Variants in DDX23 observed in about 807,000 individuals in gnomAD.
DDX23 encodes the protein DEAD-box helicase 23.
Under a neutral mutation model 102.7 loss-of-function variants are expected in DDX23, and 33 were observed. The observed-to-expected ratio is 0.32, with a 90% confidence interval of 0.24 to 0.43. The LOEUF is 0.43. DDX23 is among the 20% of genes least tolerant of loss of function. The probability of loss-of-function intolerance (pLI) is 1.00; values close to 1 mark genes in which losing one functional copy is unlikely to be tolerated. For synonymous variants in DDX23, 352 were observed against 376.0 expected (o/e 0.94, Z 0.74); for missense variants, 549 against 1,086.6 (o/e 0.51, Z 6.96).
Position 48,845,154 on chromosome 12 carries a change from TA to T in DDX23, c.209+419del, listed in dbSNP as rs60186795. On this transcript the variant is annotated intron_variant, in intron 2 of 16. Coordinates refer to ENST00000308025, the MANE Select transcript of DDX23 (RefSeq NM_004818.3). ...GAAACAAGAGTGAAACTCCATCTTTTAAAAAAAAAAAAAAAAAGGCCAGGCG... is the reference window on the plus strand; with the variant it reads ...GAAACAAGAGTGAAACTCCATCTTTTAAAAAAAAAAAAAAAAGGCCAGGCG... Among the ~76,000 whole-genome samples, 740 of 131,068 alleles carry T rather than the reference TA, an allele frequency of 5.6e-3. 6 individuals are homozygous for T. The highest frequency in any genetic ancestry group is 0.033 in the East Asian group (143 of 4,316). The allele number at this position is 131,068 out of a possible 152,430, so 86.0% of individuals were successfully genotyped here. A position where few individuals can be genotyped will look rare whatever the true frequency, so the allele number is the denominator to read the frequency against.
intron 3 of DDX23, among the ~76,000 whole-genome samples, chr12:48,841,215 G>A (rs1220923110): frequency 1.3e-5 from 2 of 152,072 alleles, no homozygotes; most frequent in African/African-American, 2.4e-5. Context: ...GAGAAACCCT[G>A]TCTCTACTAA....
Position 48,843,921 on chromosome 12 carries a change from CT to C in DDX23, c.320+18del. ...AATGGGAGCATTCCCCTAAAGCCCC[CT>C]CTCATTCCTTCATGTACCTGGATCG... On this transcript the variant is annotated intron_variant, in intron 3 of 16. Transcript: ENST00000308025. 1.2e-6 allele frequency: 2 copies of C among 1,612,264 alleles called. No individual in the cohort carries two copies. The highest frequency in any genetic ancestry group is 8.5e-7 in the Non-Finnish European group (1 of 1,178,462).
At position 48,832,310 on chromosome 12, in the gene DDX23, A is replaced by G. The variant is rs1938401940; in HGVS notation, c.1955+112T>C. 2.6e-6 allele frequency: 4 copies of G among 1,553,278 alleles called. No homozygotes were observed. The highest frequency in any genetic ancestry group is 1.2e-5 in the South Asian group (1 of 85,050). On this transcript the variant is annotated intron_variant, in intron 14 of 16. Transcript: ENST00000308025. This position sits in a 1 kb window ranked among gnomAD's most constrained non-coding sequence, Gnocchi z 4.4. Reference sequence around the variant, plus strand: ...CCCATGACATTCTGCCCAAGAAAACAGCAGCTCTTCAACACAGCAGAGCAA... The same window carrying G: ...CCCATGACATTCTGCCCAAGAAAACGGCAGCTCTTCAACACAGCAGAGCAA...
Position 48,844,894 on chromosome 12 carries a change from C to T in DDX23, c.209+680G>A, listed in dbSNP as rs190450743. Among the ~76,000 whole-genome samples, 1,253 of 147,802 alleles carry T rather than the reference C, an allele frequency of 8.5e-3. 8 individuals are homozygous for T. Among genetic ancestry groups the T allele is most frequent in the Non-Finnish European group, 0.013 (857 of 66,572 alleles). ...CTAGCCGGGCGTGGTGGCTCACGCC[C>T]GTAATCCCAGCACTTTGGGAAGCTG... On this transcript the variant is annotated intron_variant, in intron 2 of 16. Coordinates refer to ENST00000308025, the MANE Select transcript of DDX23 (RefSeq NM_004818.3).
At position 48,842,136 on chromosome 12, in the gene DDX23, C is replaced by A. The variant is rs555442664; in HGVS notation, c.320+1804G>T. Among the ~76,000 whole-genome samples the A allele has an allele frequency of 6.9e-4, 104 of 151,442 alleles. 1 individual carries two copies. The highest frequency in any genetic ancestry group is 2.5e-3 in the African/African-American group (102 of 41,332). On this transcript the variant is annotated intron_variant, in intron 3 of 16. Coordinates refer to ENST00000308025, the MANE Select transcript of DDX23 (RefSeq NM_004818.3). ...GCCACCCCGTCTGGGAAGTGAGGAG[C>A]GTCTCCGCCCGGCAGCCACCCCGTC... is the stretch of plus-strand genomic sequence containing the variant.
At chr12:48,840,197 C>T (rs934975580) in intron 3 of DDX23, 91 bp from the exon 4 acceptor site, 1 of 1,014,386 alleles carries the variant, frequency 9.9e-7, no homozygotes. Context: ...TGGAAGTTTC[C>T]CCATGACTCA....
chr12:48,840,797 T>G (rs1938537692), intron 3 of DDX23, among the ~76,000 whole-genome samples: 1 of 150,344 alleles, frequency 6.7e-6, no homozygotes, highest in African/African-American at 2.5e-5. Flanking sequence ...AGGTGATACA[T>G]CCACCTCGGC....
chr12:48,851,348 C>T (rs1938754776), intron 1 of DDX23, among the ~76,000 whole-genome samples: 1 of 152,134 alleles, frequency 6.6e-6, no homozygotes, highest in Non-Finnish European at 1.5e-5. Context: ...CGGCGTGCGC[C>T]TGTAATCACA....
intron 12 of DDX23, among the ~76,000 whole-genome samples, chr12:48,834,086 A>C (rs1239591576): frequency 6.6e-6 from 1 of 152,206 alleles, no homozygotes. Context: ...CCTCAGCTTG[A>C]TCTATAACAA....
At position 48,836,279 on chromosome 12, in the gene DDX23, CAAGA is replaced by C. The variant is rs747828927; in HGVS notation, c.1237-17_1237-14del. On this transcript the variant is annotated splice_polypyrimidine_tract_variant and intron_variant, in intron 10 of 16. Coordinates refer to ENST00000308025, the MANE Select transcript of DDX23 (RefSeq NM_004818.3). The surrounding 1 kb of genome is among the most constrained non-coding windows in gnomAD (Gnocchi z 6.1). ...TAGGTGTTGGTTCCTGCAGTGACCC[CAAGA>C]AAGAGTAATAGGTACAGGGAGAGTT... The C allele has an allele frequency of 1.1e-5, 18 of 1,613,818 alleles. No homozygotes were observed. The highest frequency in any genetic ancestry group is 6.7e-5 in the Admixed American group (4 of 60,014).
chr12:48,839,988 G>A (rs1169443027), intron 4 of DDX23, 25 bp downstream of exon 4: 1 of 1,612,300 alleles, frequency 6.2e-7, no homozygotes, highest in South Asian at 1.1e-5. Flanking sequence ...AGTTGAAGAT[G>A]AAAAATATCC....
intron 12 of DDX23, 69 bp from the exon 13 acceptor site, chr12:48,833,588 A>G: frequency 6.4e-7 from 1 of 1,561,634 alleles, no homozygotes; most frequent in Non-Finnish European, 8.6e-7. Context: ...TGAACTATCC[A>G]CCCACTTGGG....
intron 1 of DDX23, among the ~76,000 whole-genome samples, chr12:48,846,958 T>C (rs1213757481): frequency 1.3e-5 from 2 of 152,208 alleles, no homozygotes; most frequent in Non-Finnish European, 2.9e-5. Flanking sequence ...CACCTCATCA[T>C]CATCCCAAAG....
rs1182173518 is a variant in DDX23 at position 48,836,315 on chromosome 12, C to T, written c.1237-49G>A. 4 of 1,594,674 alleles carry T rather than the reference C, an allele frequency of 2.5e-6. No homozygotes were observed. The highest frequency in any genetic ancestry group is 1.7e-6 in the Non-Finnish European group (2 of 1,163,412). The stretch of plus-strand genomic sequence containing the variant: ...AATAGGTACAGGGAGAGTTATACCA[C>T]CTGGGCAACCACTGATAGTAGTAAG... On this transcript the variant is annotated intron_variant, in intron 10 of 16. Coordinates refer to ENST00000308025, the MANE Select transcript of DDX23 (RefSeq NM_004818.3). The surrounding 1 kb of genome is among the most constrained non-coding windows in gnomAD (Gnocchi z 6.1).
At chr12:48,831,749 C>T (rs2137480334) in intron 15 of DDX23, 1 of 446,814 alleles carries the variant, frequency 2.2e-6, no homozygotes. Context: ...ATATCACCTC[C>T]TCTCAACGTA....
In DDX23 at chr12:48,845,621, T is replaced by C; in HGVS notation, c.162A>G (p.Arg54=). The change falls in exon 2 of 17, where the codon CGA becomes CGG. Residue 54 remains arginine, a synonymous_variant. Transcript: ENST00000308025. ...RKRHRSRDRR[R]GGSRSRSRSR... ...AACGAGAGCGAGAACGGCTGCCTCC[T>C]CGACGTCTATCCCTTGAACGATGCC... 1.9e-6 allele frequency: 3 copies of C among 1,614,236 alleles called. No individual in the cohort carries two copies. Among genetic ancestry groups the C allele is most frequent in the Non-Finnish European group, 2.5e-6 (3 of 1,180,036 alleles).
rs1938526521 is a variant in DDX23, at chr12:48,840,110, T to C, written c.321-4A>G. On this transcript the variant is annotated splice_polypyrimidine_tract_variant and splice_region_variant and intron_variant, in intron 3 of 16. Coordinates refer to ENST00000308025, the MANE Select transcript of DDX23 (RefSeq NM_004818.3). Reference sequence around the variant, plus strand: ...TTTTCCTCGACCAGGAGATAAGCTTTGAGGAAAAGGAACAAGGTCCACATC... The same window carrying C: ...TTTTCCTCGACCAGGAGATAAGCTTCGAGGAAAAGGAACAAGGTCCACATC... 3 of 1,611,732 alleles carry C rather than the reference T, an allele frequency of 1.9e-6. No individual in the cohort carries two copies. Among genetic ancestry groups the C allele is most frequent in the African/African-American group, 2.7e-5 (2 of 74,990 alleles).
intron 1 of DDX23, among the ~76,000 whole-genome samples, chr12:48,846,746 CTGAT>C (rs774434054): frequency 3.3e-5 from 5 of 152,132 alleles, no homozygotes; most frequent in Non-Finnish European, 7.4e-5. Flanking sequence ...TGCAGAAGTC[CTGAT>C]TGACATTCCC....
intron 5 of DDX23, chr12:48,839,610 C>A: frequency 2.6e-6 from 1 of 382,730 alleles, no homozygotes; most frequent in Non-Finnish European, 4.7e-6. Context: ...AGCCCTAATC[C>A]AACACAAGGG....
Sources: allele counts gnomAD v4.1 joint callset (sites outside exome capture counted in the v4.1 genomes callset), GRCh38; gene constraint gnomAD v4.1.1; non-coding constraint Gnocchi (gnomAD v3.1); transcripts MANE v1.5; gene names NCBI Gene and HGNC (gene_info 2026-07-23, HGNC 2026-07-21).